ZFHX3: variants seen among roughly 807,000 people sequenced by gnomAD.
ZFHX3 encodes zinc finger homeobox 3.
Under a neutral mutation model 279.1 loss-of-function variants are expected in ZFHX3, and 42 were observed. That is an observed-to-expected ratio of 0.15 (90% CI 0.12 to 0.19). The LOEUF is 0.19. Among genes scored for constraint, ZFHX3 ranks in the 10% least tolerant of loss-of-function variants. ZFHX3 has a pLI of 1.00. For missense variants in ZFHX3, 4,981 were observed against 4,754.0 expected (o/e 1.05, Z -1.40); for synonymous variants, 2,293 against 1,957.8 (o/e 1.17, Z -4.52).
intron 2 of ZFHX3, among the ~76,000 whole-genome samples, chr16:73,574,223 C>T (rs2051773107): frequency 6.6e-6 from 1 of 152,126 alleles, no homozygotes; most frequent in Non-Finnish European, 1.5e-5. Flanking sequence ...GTGCTTGAAG[C>T]CCTCTAAAGA....
rs527968337 is a variant in ZFHX3, at chr16:73,309,674, G to A, written c.-1194+8566C>T. Among the ~76,000 whole-genome samples the A allele has an allele frequency of 2.6e-5, 4 of 152,298 alleles. No homozygotes were observed. In the South Asian group the frequency reaches 6.2e-4, roughly 24 times the overall value. On this transcript the variant is annotated intron_variant, in intron 4 of 17. Coordinates refer to the ZFHX3 transcript ENST00000641206. Reference sequence around the variant, plus strand: ...GAACATGTTTTGACAAACTGGGGCAGGGTCTCAGAGCCTCAGGCATGTACT... The same window carrying A: ...GAACATGTTTTGACAAACTGGGGCAAGGTCTCAGAGCCTCAGGCATGTACT...
At chr16:73,382,060 C>T (rs964845257) in intron 3 of ZFHX3, among the ~76,000 whole-genome samples, 1 of 152,190 alleles carries the variant, frequency 6.6e-6, no homozygotes, top group Non-Finnish European at 1.5e-5. Flanking sequence ...GCCTGTGGGC[C>T]ATAGTTTGTC....
At chr16:73,178,749 A>G (rs142420716) in intron 5 of ZFHX3, among the ~76,000 whole-genome samples, 1 of 152,254 alleles carries the variant, frequency 6.6e-6, no homozygotes, top group African/African-American at 2.4e-5. Context: ...TAACCTTCCA[A>G]ATAGCTGGGA....
At chr16:73,703,682 G>A (rs899262494) in intron 1 of ZFHX3, among the ~76,000 whole-genome samples, 2 of 152,106 alleles carry the variant, frequency 1.3e-5, no homozygotes, top group Non-Finnish European at 1.5e-5. Context: ...GTCCCGGGAG[G>A]TGCCTGGCAG....
At chr16:73,220,974 TG>T (rs1231726592) in intron 5 of ZFHX3, among the ~76,000 whole-genome samples, 4 of 152,080 alleles carry the variant, frequency 2.6e-5, no homozygotes, top group African/African-American at 9.7e-5. Context: ...TTATCCTATA[TG>T]GGGAAAGCTG....
intron 3 of ZFHX3, among the ~76,000 whole-genome samples, chr16:73,378,199 C>G (rs1386334476): frequency 1.3e-5 from 2 of 152,050 alleles, no homozygotes; most frequent in African/African-American, 4.8e-5. Context: ...CTCCCACTAA[C>G]AGCCTATGAA....
At chr16:73,865,566 GT>G (rs199776010) in intron 1 of ZFHX3, among the ~76,000 whole-genome samples, 1,557 of 152,222 alleles carry the variant, frequency 0.01, 11 homozygotes, top group Non-Finnish European at 0.018. Context: ...ATTGCACCTT[GT>G]TTATTTTCTT....
intron 5 of ZFHX3, among the ~76,000 whole-genome samples, chr16:73,221,945 T>G (rs2012435686): frequency 6.6e-6 from 1 of 152,156 alleles, no homozygotes; most frequent in Non-Finnish European, 1.5e-5. Context: ...ATATTTTATT[T>G]AATAAAGTTA....
chr16:73,276,624 T>A (rs999694027), intron 4 of ZFHX3, among the ~76,000 whole-genome samples: 3 of 152,246 alleles, frequency 2.0e-5, no homozygotes, highest in African/African-American at 7.2e-5. Flanking sequence ...AGTGTATGTA[T>A]TTAAAGTGTA....
At chr16:72,904,315 G>A (rs575110223) in intron 3 of ZFHX3, among the ~76,000 whole-genome samples, 3 of 151,628 alleles carry the variant, frequency 2.0e-5, no homozygotes, top group Non-Finnish European at 1.5e-5. Context: ...GCAGTGAGCC[G>A]AGATCACAAC....
At chr16:73,125,601 AG>A (rs1235209063) in intron 7 of ZFHX3, among the ~76,000 whole-genome samples, 1 of 151,990 alleles carries the variant, frequency 6.6e-6, no homozygotes, top group East Asian at 1.9e-4. Flanking sequence ...ATGTGAAGAG[AG>A]AGACTCCCTA....
chr16:73,047,193 T>C (rs1050011026), intron 1 of ZFHX3, among the ~76,000 whole-genome samples: 5 of 152,200 alleles, frequency 3.3e-5, no homozygotes, highest in African/African-American at 1.2e-4. Context: ...GATAAAAATC[T>C]TGACTCTCTC....
intron 3 of ZFHX3, among the ~76,000 whole-genome samples, chr16:73,352,469 T>G (rs1232216335): frequency 1.6e-5 from 2 of 125,058 alleles, no homozygotes; most frequent in East Asian, 4.5e-4. Context: ...TCTCTCTCTC[T>G]CTCTCTTTTT....
Position 73,874,375 on chromosome 16 carries a change from G to A in ZFHX3, c.-1608+17276C>T, listed in dbSNP as rs531140633. Among the ~76,000 whole-genome samples the A allele has an allele frequency of 5.9e-5, 9 of 152,214 alleles. No individual in the cohort carries two copies. In the Middle Eastern group the frequency reaches 0.024, roughly 403 times the overall value. On this transcript the variant is annotated intron_variant, in intron 1 of 17. Transcript: ENST00000641206. ...ATGTCTGGATTCCAATTTAACCCCC[G>A]ACTGAGTTCTAAGAATCAAATGAAC...
intron 2 of ZFHX3, among the ~76,000 whole-genome samples, chr16:73,577,145 T>C (rs546693448): frequency 6.6e-6 from 1 of 152,328 alleles, no homozygotes; most frequent in South Asian, 2.1e-4. Flanking sequence ...ACATGTATTA[T>C]TTACTTACAC....
chr16:73,411,695 T>G (rs1485680185), intron 3 of ZFHX3, among the ~76,000 whole-genome samples: 1 of 152,220 alleles, frequency 6.6e-6, no homozygotes, highest in Non-Finnish European at 1.5e-5. Flanking sequence ...ATCGATGGCT[T>G]CTCTTGAAAA....
chr16:73,344,769 G>T (rs2016094504), intron 3 of ZFHX3, among the ~76,000 whole-genome samples: 1 of 152,206 alleles, frequency 6.6e-6, no homozygotes, highest in East Asian at 1.9e-4. Flanking sequence ...GGCATGAATG[G>T]TAAGGGAATG....
At chr16:73,226,785 G>A (rs1290438111) in intron 5 of ZFHX3, among the ~76,000 whole-genome samples, 2 of 152,204 alleles carry the variant, frequency 1.3e-5, no homozygotes, top group Non-Finnish European at 2.9e-5. Context: ...ATAAGGAAAT[G>A]GCTTTGATTG....
chr16:73,343,975 A>C (rs538946766), intron 3 of ZFHX3, among the ~76,000 whole-genome samples: 1 of 152,316 alleles, frequency 6.6e-6, no homozygotes, highest in South Asian at 2.1e-4. Context: ...CACTGGGCAA[A>C]CATCACAGTA....
Sources: gnomAD v4.1 joint callset for allele counts (sites outside exome capture counted in the v4.1 genomes callset) on GRCh38, gnomAD v4.1.1 for gene constraint, MANE v1.5 for transcripts, NCBI Gene and HGNC (gene_info 2026-07-23, HGNC 2026-07-21) for gene names.